CHN2: variants seen among roughly 807,000 people sequenced by gnomAD.
The protein encoded by CHN2 is beta-chimaerin.
In CHN2, 35 loss-of-function variants were observed where a neutral mutation model predicts 56.3. The observed-to-expected ratio is 0.62, with a 90% CI of 0.47 to 0.82. The LOEUF is 0.82. Among genes scored for constraint, CHN2 ranks in the 40% least tolerant of loss-of-function variants. The pLI, the probability that CHN2 is intolerant of heterozygous loss-of-function variation, is 0.00. For missense variants in CHN2, 491 were observed against 580.5 expected (o/e 0.85, Z 1.58); for synonymous variants, 210 against 212.8 (o/e 0.99, Z 0.12).
intron 12 of CHN2, among the ~76,000 whole-genome samples, chr7:29,510,518 A>T (rs1387105720): frequency 6.6e-6 from 1 of 152,170 alleles, no homozygotes; most frequent in Non-Finnish European, 1.5e-5. Flanking sequence ...TGTTGGCAGG[A>T]TTCAGTTCCT....
intron 1 of CHN2, among the ~76,000 whole-genome samples, chr7:29,224,936 C>T (rs769122279): frequency 6.6e-6 from 1 of 152,194 alleles, no homozygotes; most frequent in African/African-American, 2.4e-5. Flanking sequence ...ATATCATCTC[C>T]GGAGAGAGAA....
At chr7:29,209,913 G>C (rs1472172552) in intron 1 of CHN2, among the ~76,000 whole-genome samples, 1 of 152,156 alleles carries the variant, frequency 6.6e-6, no homozygotes, top group Non-Finnish European at 1.5e-5. Flanking sequence ...TTTCAGTTTT[G>C]TGATGGGCCA....
chr7:29,240,827 C>T (rs1367264737), intron 1 of CHN2, among the ~76,000 whole-genome samples: 1 of 151,764 alleles, frequency 6.6e-6, no homozygotes, highest in African/African-American at 2.4e-5. Flanking sequence ...TCGTCGTCGT[C>T]GTCGTCGTCT....
chr7:29,151,791 T>C (rs1793629429), intron 2 of CHN2, among the ~76,000 whole-genome samples: 1 of 152,166 alleles, frequency 6.6e-6, no homozygotes, highest in African/African-American at 2.4e-5. Flanking sequence ...AGCCTTCTCA[T>C]GTATGGGAAG....
intron 6 of CHN2, among the ~76,000 whole-genome samples, chr7:29,438,506 A>G (rs1783404624): frequency 6.6e-6 from 1 of 152,056 alleles, no homozygotes; most frequent in Non-Finnish European, 1.5e-5. Context: ...GTTTAAGTTC[A>G]TTCTTTTTTT....
Position 29,319,534 on chromosome 7 carries a change from G to A in CHN2, c.50-35091G>A, listed in dbSNP as rs2056799500. Reference sequence around the variant, plus strand: ...CAGATGTCCTTTAATTTAACATCCTGTGGACACTGTTCAGATACAATGCAG... The same window carrying A: ...CAGATGTCCTTTAATTTAACATCCTATGGACACTGTTCAGATACAATGCAG... On this transcript the variant is annotated intron_variant, in intron 1 of 12. Coordinates refer to ENST00000222792, the MANE Select transcript of CHN2 (RefSeq NM_004067.4). Among the ~76,000 whole-genome samples the A allele has an allele frequency of 3.9e-5, 6 of 152,284 alleles. No individual in the cohort carries two copies. The South Asian group carries it at 1.2e-3, about 32-fold the overall frequency.
intron 1 of CHN2, among the ~76,000 whole-genome samples, chr7:29,228,297 A>T (rs1357128927): frequency 6.6e-6 from 1 of 152,144 alleles, no homozygotes; most frequent in African/African-American, 2.4e-5. Context: ...CCGTAAGATT[A>T]TAATGCAGTA....
chr7:29,400,243 T>A (rs1216030511), intron 5 of CHN2: 2 of 413,644 alleles, frequency 4.8e-6, no homozygotes, highest in Non-Finnish European at 9.1e-6. Flanking sequence ...ATTTCTAGGA[T>A]CAAACGACTC....
At chr7:29,425,933 G>A (rs1329359303) in intron 6 of CHN2, among the ~76,000 whole-genome samples, 5 of 151,976 alleles carry the variant, frequency 3.3e-5, no homozygotes, top group African/African-American at 9.7e-5. Flanking sequence ...ACTGTGGGCC[G>A]GGTGTGGTAG....
intron 1 of CHN2, among the ~76,000 whole-genome samples, chr7:29,263,005 C>T (rs901947494): frequency 6.6e-6 from 1 of 152,142 alleles, no homozygotes; most frequent in Admixed American, 6.5e-5. Context: ...AGAATCCCTT[C>T]TCCCCTCTCC....
At chr7:29,150,589 C>G (rs1278761533) in intron 2 of CHN2, among the ~76,000 whole-genome samples, 1 of 152,170 alleles carries the variant, frequency 6.6e-6, no homozygotes, top group Non-Finnish European at 1.5e-5. Flanking sequence ...AAATACAATT[C>G]CAATTGTCTA....
chr7:29,511,837 A>T (rs1791469319), intron 12 of CHN2, among the ~76,000 whole-genome samples: 1 of 148,406 alleles, frequency 6.7e-6, no homozygotes, highest in East Asian at 2.0e-4. Context: ...GGAGATAGAT[A>T]GATTGTAATT....
At chr7:29,253,310 A>T (rs1788789580) in intron 1 of CHN2, among the ~76,000 whole-genome samples, 1 of 152,232 alleles carries the variant, frequency 6.6e-6, no homozygotes, top group Non-Finnish European at 1.5e-5. Flanking sequence ...CTACAGCCTC[A>T]CTTGCTCATT....
At chr7:29,331,263 G>A (rs1428220208) in intron 1 of CHN2, among the ~76,000 whole-genome samples, 1 of 152,224 alleles carries the variant, frequency 6.6e-6, no homozygotes, top group Non-Finnish European at 1.5e-5. Context: ...TCTGTTGACA[G>A]AGGTGTCGGC....
At position 29,495,020 on chromosome 7, in the gene CHN2, TG is replaced by T. The variant is rs200190818; in HGVS notation, c.655-931del. ...TTTTGTTAATAGAGGTTTATGACTT[TG>T]AAAGGCCTTCTATAATGCTTTATAA... On this transcript the variant is annotated intron_variant, in intron 7 of 12. Transcript: ENST00000222792. 5.2e-3 allele frequency among the ~76,000 whole-genome samples: 783 copies of T among 150,462 alleles called. 5 individuals are homozygous for T. Among genetic ancestry groups the T allele is most frequent in the African/African-American group, 0.017 (715 of 40,960 alleles).
intron 6 of CHN2, among the ~76,000 whole-genome samples, chr7:29,407,219 T>G (rs34126476): frequency 1.3e-5 from 2 of 152,086 alleles, no homozygotes; most frequent in Non-Finnish European, 2.9e-5. Context: ...AGTATTTCAG[T>G]GACACCAAGG....
At chr7:29,188,035 T>C (rs980985222) in intron 2 of CHN2, among the ~76,000 whole-genome samples, 5 of 152,196 alleles carry the variant, frequency 3.3e-5, no homozygotes, top group Non-Finnish European at 7.3e-5. Context: ...TGTCTTAATA[T>C]ACTCGCATAG....
intron 3 of CHN2, among the ~76,000 whole-genome samples, chr7:29,380,251 A>G (rs901856731): frequency 2.0e-5 from 3 of 151,676 alleles, no homozygotes; most frequent in Non-Finnish European, 2.9e-5. Context: ...AAAGGGGGCA[A>G]TATCACCCCT....
At chr7:29,497,775 AT>A (rs752640272) in intron 8 of CHN2, among the ~76,000 whole-genome samples, 2 of 152,264 alleles carry the variant, frequency 1.3e-5, no homozygotes, top group Non-Finnish European at 2.9e-5. Context: ...AAATATCAGT[AT>A]TAAACTCTAC....
Sources: gnomAD v4.1 joint callset for allele counts (sites outside exome capture counted in the v4.1 genomes callset) on GRCh38, gnomAD v4.1.1 for gene constraint, MANE v1.5 for transcripts, NCBI Gene and HGNC (gene_info 2026-07-23, HGNC 2026-07-21) for gene names.